Variants in HECW1 observed in about 807,000 individuals in gnomAD.
HECW1 encodes HECT, C2 and WW domain containing E3 ubiquitin protein ligase 1, also known as E3 ubiquitin-protein ligase HECW1.
A neutral mutation model predicts 182.3 loss-of-function variants in HECW1; 61 were observed. That is an observed-to-expected ratio of 0.33 (90% confidence interval 0.27 to 0.41). The LOEUF is 0.41. Ranked by LOEUF, HECW1 falls within the 10% of genes least tolerant of loss-of-function variation. The probability of loss-of-function intolerance (pLI) is 1.00; values close to 1 mark genes in which losing one functional copy is unlikely to be tolerated. For missense variants in HECW1, 1,739 were observed against 2,108.9 expected (o/e 0.82, Z 3.44); for synonymous variants, 859 against 832.6 (o/e 1.03, Z -0.55).
At chr7:43,128,505 A>T (rs1033622420) in intron 2 of HECW1, among the ~76,000 whole-genome samples, 8 of 152,246 alleles carry the variant, frequency 5.3e-5, no homozygotes. Flanking sequence ...ATTCCATTCA[A>T]AATATTACTG....
At chr7:43,418,531 A>T (rs2152855218) in intron 8 of HECW1, among the ~76,000 whole-genome samples, 1 of 152,176 alleles carries the variant, frequency 6.6e-6, no homozygotes, top group East Asian at 1.9e-4. Flanking sequence ...TCTCCTTGTA[A>T]TTGCATGATT....
Position 43,243,768 on chromosome 7 carries a change from G to A in HECW1, c.-31-107G>A, listed in dbSNP as rs1235307901. On this transcript the variant is annotated intron_variant, in intron 2 of 29. Transcript: ENST00000395891. The surrounding 1 kb of genome is among the most constrained non-coding windows in gnomAD (Gnocchi z 4.0). Reference sequence around the variant, plus strand: ...TTTTGCACGTCGGTTGCCCAGGCCAGGTATCTTGGCGGGGGTGGGGGAAAC... The same window carrying A: ...TTTTGCACGTCGGTTGCCCAGGCCAAGTATCTTGGCGGGGGTGGGGGAAAC... The A allele has an allele frequency of 6.9e-6, 6 of 863,750 alleles. No homozygotes were observed. Among genetic ancestry groups the A allele is most frequent in the Admixed American group, 3.6e-5 (2 of 55,278 alleles). The allele number at this position is 863,750 out of a possible 1,614,324, so 53.5% of individuals were successfully genotyped here.
At chr7:43,264,842 TAAAAAAA>T (rs36094358) in intron 3 of HECW1, among the ~76,000 whole-genome samples, 2 of 129,186 alleles carry the variant, frequency 1.5e-5, no homozygotes, top group African/African-American at 3.0e-5. Flanking sequence ...AGACTCGGTT[TAAAAAAA>T]AAAAAAAAAA....
At chr7:43,376,080 G>C (rs1445459615) in intron 6 of HECW1, among the ~76,000 whole-genome samples, 1 of 150,404 alleles carries the variant, frequency 6.6e-6, no homozygotes, top group Non-Finnish European at 1.5e-5. Context: ...TTATTTATAT[G>C]AGCTTGATCA....
At chr7:43,553,999 C>T (rs2081937753) in intron 28 of HECW1, among the ~76,000 whole-genome samples, 1 of 152,188 alleles carries the variant, frequency 6.6e-6, no homozygotes, top group Non-Finnish European at 1.5e-5. Flanking sequence ...TTGATATATC[C>T]AAGCATGGTC....
chr7:43,412,591 T>G (rs1436378798), intron 8 of HECW1, among the ~76,000 whole-genome samples: 1 of 140,256 alleles, frequency 7.1e-6, no homozygotes, highest in East Asian at 2.1e-4. Context: ...CTCCCAATGC[T>G]ATCCCTCCCC....
At chr7:43,445,726 C>T (rs896893289) in intron 11 of HECW1, among the ~76,000 whole-genome samples, 156 bp downstream of exon 11, 9 of 152,202 alleles carry the variant, frequency 5.9e-5, no homozygotes, top group African/African-American at 1.9e-4. Context: ...GCATGTGTAT[C>T]TGTGTATGAG....
In HECW1 at chr7:43,222,233, G is replaced by A. The variant is rs79743601; in HGVS notation, c.-31-21642G>A. ...AAGCATTGCAAATCACAAGGAAATA[G>A]CCTGGATCCATTCAGAGAACCTGGG... On this transcript the variant is annotated intron_variant, in intron 2 of 29. Coordinates refer to ENST00000395891, the MANE Select transcript of HECW1 (RefSeq NM_015052.5). 5.9e-3 allele frequency among the ~76,000 whole-genome samples: 903 copies of A among 152,276 alleles called. 6 individuals are homozygous for A. The highest frequency in any genetic ancestry group is 0.02 in the African/African-American group (839 of 41,544).
chr7:43,468,338 G>A (rs2077873468), intron 15 of HECW1, among the ~76,000 whole-genome samples: 2 of 152,166 alleles, frequency 1.3e-5, no homozygotes, highest in African/African-American at 4.8e-5. Context: ...CCATGGAGGA[G>A]AGAGAGGAGT....
intron 2 of HECW1, among the ~76,000 whole-genome samples, chr7:43,187,920 T>C (rs191408340): frequency 6.6e-6 from 1 of 152,276 alleles, no homozygotes; most frequent in African/African-American, 2.4e-5. Flanking sequence ...TGTGCAACCA[T>C]CTGTTACCAA....
chr7:43,443,642 T>C (rs935137586), intron 10 of HECW1, among the ~76,000 whole-genome samples: 1 of 152,196 alleles, frequency 6.6e-6, no homozygotes, highest in Non-Finnish European at 1.5e-5. Flanking sequence ...GGTGAAGACC[T>C]TGTTTTTTTT....
At chr7:43,329,105 G>A (rs544670465) in intron 5 of HECW1, among the ~76,000 whole-genome samples, 2 of 152,092 alleles carry the variant, frequency 1.3e-5, no homozygotes, top group African/African-American at 4.8e-5. Flanking sequence ...CTGACCTTGG[G>A]GCAAAGACCT....
chr7:43,222,139 G>T (rs144117848), intron 2 of HECW1, among the ~76,000 whole-genome samples: 2 of 152,262 alleles, frequency 1.3e-5, no homozygotes, highest in African/African-American at 4.8e-5. Context: ...GAGCAATTAG[G>T]TCAGAATTTC....
chr7:43,560,006 AT>A (rs1331279951), intron 29 of HECW1, among the ~76,000 whole-genome samples: 3 of 152,054 alleles, frequency 2.0e-5, no homozygotes, highest in East Asian at 1.9e-4. Flanking sequence ...TGTAAAGGTG[AT>A]TTTTTTTCTG....
intron 12 of HECW1, among the ~76,000 whole-genome samples, chr7:43,451,224 C>T (rs986314008): frequency 6.6e-5 from 10 of 152,200 alleles, no homozygotes; most frequent in Non-Finnish European, 1.2e-4. Flanking sequence ...TCTTTGCAAA[C>T]TGTTCATGAC....
intron 2 of HECW1, among the ~76,000 whole-genome samples, chr7:43,154,909 G>A (rs1416819954): frequency 6.6e-6 from 1 of 152,210 alleles, no homozygotes; most frequent in Non-Finnish European, 1.5e-5. Context: ...GAGAACATAT[G>A]TAAACTTAGA....
chr7:43,548,615 G>C (rs1234811998), intron 26 of HECW1, among the ~76,000 whole-genome samples: 1 of 152,162 alleles, frequency 6.6e-6, no homozygotes, highest in African/African-American at 2.4e-5. Flanking sequence ...TGACCCTGTT[G>C]AAATTAATAG....
chr7:43,239,064 A>G (rs1047613352), intron 2 of HECW1: 2 of 152,212 alleles, frequency 1.3e-5, no homozygotes, highest in African/African-American at 4.8e-5. Flanking sequence ...ACTCATGCTG[A>G]TGGAATCAAG....
chr7:43,320,004 G>C (rs1425385218), intron 4 of HECW1, among the ~76,000 whole-genome samples: 3 of 151,992 alleles, frequency 2.0e-5, no homozygotes, highest in Non-Finnish European at 4.4e-5. Flanking sequence ...GTAAGCTTTG[G>C]TTCAGAAGAG....
Sources: gnomAD v4.1 joint callset for allele counts (sites outside exome capture counted in the v4.1 genomes callset) on GRCh38, gnomAD v4.1.1 for gene constraint, Gnocchi (gnomAD v3.1) non-coding constraint, MANE v1.5 for transcripts, NCBI Gene and HGNC (gene_info 2026-07-23, HGNC 2026-07-21) for gene names.